Variants in MYO10 observed in about 807,000 individuals in gnomAD.
MYO10 encodes unconventional myosin-X.
MYO10 carries 133 observed loss-of-function variants against 257.3 expected under a neutral mutation model. That is an observed-to-expected ratio of 0.52 (90% confidence interval 0.45 to 0.60). The LOEUF (loss-of-function observed/expected upper bound fraction) is 0.60. Ranked by LOEUF, MYO10 falls within the 20% of genes least tolerant of loss-of-function variation. The pLI, the probability that MYO10 is intolerant of heterozygous loss-of-function variation, is 0.00. For missense variants in MYO10, 2,399 were observed against 2,635.7 expected (o/e 0.91, Z 1.97); for synonymous variants, 1,104 against 1,028.6 (o/e 1.07, Z -1.40).
intron 3 of MYO10, among the ~76,000 whole-genome samples, chr5:16,809,226 G>A (rs1330400846): frequency 6.6e-6 from 1 of 151,664 alleles, no homozygotes; most frequent in African/African-American, 2.4e-5. Context: ...TGCCCCAAGT[G>A]TGTTCAAACT....
At chr5:16,779,461 A>T (rs909240970) in intron 9 of MYO10, 84 bp downstream of exon 9, 1 of 763,198 alleles carries the variant, frequency 1.3e-6, no homozygotes, top group Admixed American at 3.5e-5. Flanking sequence ...ATTTAAAAAA[A>T]TCTTTTGAAA....
At chr5:16,911,647 G>A (rs1377994658) in intron 1 of MYO10, among the ~76,000 whole-genome samples, 2 of 151,920 alleles carry the variant, frequency 1.3e-5, no homozygotes, top group Non-Finnish European at 2.9e-5. Context: ...CAGGAGGATC[G>A]CTTGAACCTG....
intron 29 of MYO10, among the ~76,000 whole-genome samples, chr5:16,684,757 A>G (rs1026659377): frequency 1.3e-5 from 2 of 152,198 alleles, no homozygotes; most frequent in African/African-American, 2.4e-5. Flanking sequence ...AAAGAATACA[A>G]TTTGGATTTC....
chr5:16,683,964 G>C (rs767751232), intron 29 of MYO10, 29 bp from the exon 30 acceptor site: 2 of 1,607,208 alleles, frequency 1.2e-6, no homozygotes, highest in Non-Finnish European at 1.7e-6. Context: ...TAAACAGAAT[G>C]AGAGAAGCAC....
chr5:16,734,836 C>A (rs1283319532), intron 19 of MYO10, among the ~76,000 whole-genome samples: 1 of 151,634 alleles, frequency 6.6e-6, no homozygotes, highest in Non-Finnish European at 1.5e-5. Context: ...AATGCCACTT[C>A]TTTCCATAAT....
intron 1 of MYO10, among the ~76,000 whole-genome samples, chr5:16,932,332 G>A (rs1361913814): frequency 2.0e-5 from 3 of 152,064 alleles, no homozygotes; most frequent in Admixed American, 1.3e-4. Flanking sequence ...AATTTCATTT[G>A]GTACTTACTG....
intron 1 of MYO10, among the ~76,000 whole-genome samples, chr5:16,883,488 G>T (rs1744814676): frequency 1.3e-5 from 2 of 152,184 alleles, no homozygotes; most frequent in African/African-American, 4.8e-5. Context: ...AGGTTGTGAT[G>T]GATTGTACCA....
chr5:16,680,127 C>T, intron 32 of MYO10, 23 bp from the exon 33 acceptor site: 3 of 1,598,696 alleles, frequency 1.9e-6, no homozygotes, highest in Non-Finnish European at 2.6e-6. Flanking sequence ...GGGTGCCCAG[C>T]ACACGCACGT....
chr5:16,759,822 A>G (rs749973418), intron 17 of MYO10, among the ~76,000 whole-genome samples: 16 of 152,220 alleles, frequency 1.1e-4, no homozygotes, highest in Admixed American at 4.6e-4. Context: ...TCACCTAAAA[A>G]TAAAATAGCT....
At chr5:16,773,366 T>C (rs1427124239) in intron 9 of MYO10, among the ~76,000 whole-genome samples, 1 of 152,206 alleles carries the variant, frequency 6.6e-6, no homozygotes, top group Non-Finnish European at 1.5e-5. Context: ...ATAATTATAA[T>C]GCACCTACAC....
At position 16,888,521 on chromosome 5, in the gene MYO10, G is replaced by A. The variant is rs907179417; in HGVS notation, c.22-10814C>T. 4.5e-4 allele frequency among the ~76,000 whole-genome samples: 69 copies of A among 151,828 alleles called. 1 individual carries two copies. Among genetic ancestry groups the A allele is most frequent in the African/African-American group, 1.7e-3 (68 of 41,172 alleles). ...GAGGCAGGAGAACTACTTGAACCCAGGAGGGAGAGGTTGTGGTGAGCCGAA... is the reference window on the plus strand; with the variant it reads ...GAGGCAGGAGAACTACTTGAACCCAAGAGGGAGAGGTTGTGGTGAGCCGAA... On this transcript the variant is annotated intron_variant, in intron 1 of 40. Transcript: ENST00000513610.
At chr5:16,756,711 G>A (rs2126644867) in intron 18 of MYO10, among the ~76,000 whole-genome samples, 1 of 152,266 alleles carries the variant, frequency 6.6e-6, no homozygotes, top group Non-Finnish European at 1.5e-5. Flanking sequence ...GCATCTCTGT[G>A]TCTGGGCTCT....
intron 2 of MYO10, among the ~76,000 whole-genome samples, chr5:16,865,810 C>T (rs1036941435): frequency 8.1e-5 from 7 of 86,260 alleles, no homozygotes; most frequent in East Asian, 5.1e-4. Context: ...GACTCCGTCT[C>T]GATAATAATA....
At chr5:16,840,637 T>C (rs1329884734) in intron 2 of MYO10, among the ~76,000 whole-genome samples, 1 of 151,982 alleles carries the variant, frequency 6.6e-6, no homozygotes, top group Non-Finnish European at 1.5e-5. Flanking sequence ...TACACATAAA[T>C]GCATATGTGT....
At chr5:16,794,537 G>T (rs1741872016) in intron 4 of MYO10, 109 bp downstream of exon 4, 2 of 1,047,694 alleles carry the variant, frequency 1.9e-6, no homozygotes, top group Non-Finnish European at 2.6e-6. Flanking sequence ...AGAAACTCAG[G>T]CGGTTGTAAA....
rs571036013 is a variant in MYO10 at position 16,935,587 on chromosome 5, G to C, written c.21+201C>G. ...TTCGCTACCTCCCGGAGCAAAATGC[G>C]AGCGCGGGACAGGACGAAACAAAAC... On this transcript the variant is annotated intron_variant, in intron 1 of 40. Transcript: ENST00000513610. Among the ~76,000 whole-genome samples, 146 of 152,224 alleles carry C rather than the reference G, an allele frequency of 9.6e-4. 1 individual carries two copies. The highest frequency in any genetic ancestry group is 1.9e-3 in the Non-Finnish European group (126 of 68,010).
At chr5:16,765,792 C>T (rs977755489) in intron 11 of MYO10, among the ~76,000 whole-genome samples, 1 of 152,126 alleles carries the variant, frequency 6.6e-6, no homozygotes, top group African/African-American at 2.4e-5. Context: ...CAAGAGCAGA[C>T]AGTAGTAAGT....
intron 15 of MYO10, among the ~76,000 whole-genome samples, chr5:16,762,322 T>C (rs137872679): frequency 1.1e-3 from 167 of 152,242 alleles, no homozygotes; most frequent in African/African-American, 3.8e-3. Context: ...ATTAACAATT[T>C]TACGTTCTCT....
At chr5:16,744,957 T>C (rs545034579) in intron 19 of MYO10, among the ~76,000 whole-genome samples, 6 of 152,238 alleles carry the variant, frequency 3.9e-5, no homozygotes, top group African/African-American at 1.2e-4. Context: ...TATGAACGAA[T>C]ATCTGACATT....
Sources: gnomAD v4.1 joint callset for allele counts (sites outside exome capture counted in the v4.1 genomes callset) on GRCh38, gnomAD v4.1.1 for gene constraint, MANE v1.5 for transcripts, NCBI Gene and HGNC (gene_info 2026-07-23, HGNC 2026-07-21) for gene names.